The following PALM2AKAP2 variants were observed in gnomAD, a reference collection of about 807,000 sequenced individuals.
PALM2AKAP2 encodes the protein PALM2-AKAP2 fusion protein.
A neutral mutation model predicts 71.5 loss-of-function variants in PALM2AKAP2; 37 were observed. The ratio of observed to expected loss-of-function variants is 0.52; its 90% CI spans 0.40 to 0.68. The LOEUF (loss-of-function observed/expected upper bound fraction) is 0.68, where lower values mean the gene tolerates loss of function less well. Among genes scored for constraint, PALM2AKAP2 ranks in the 30% least tolerant of loss-of-function variants. The pLI is 0.00. For synonymous variants in PALM2AKAP2, 468 were observed against 478.8 expected, an observed-to-expected ratio of 0.98 and a Z score of 0.29; for missense variants, 1,224 against 1,191.8, an observed-to-expected ratio of 1.03 and a Z score of -0.40.
chr9:109,774,055 C>A (rs1010398951), intron 1 of PALM2AKAP2, among the ~76,000 whole-genome samples: 2 of 152,190 alleles, frequency 1.3e-5, no homozygotes, highest in African/African-American at 4.8e-5. Context: ...ACTGCCAACC[C>A]CGCAGGAAAT....
At chr9:109,743,818 C>T (rs897548448) in intron 1 of PALM2AKAP2, among the ~76,000 whole-genome samples, 10 of 152,190 alleles carry the variant, frequency 6.6e-5, no homozygotes, top group Middle Eastern at 3.2e-3. Context: ...CTTTTATTTA[C>T]ATTCCTAACA....
chr9:110,018,343 T>G (rs755449043), intron 7 of PALM2AKAP2, among the ~76,000 whole-genome samples: 1 of 152,160 alleles, frequency 6.6e-6, no homozygotes, highest in Non-Finnish European at 1.5e-5. Flanking sequence ...TCTTTATTCA[T>G]TTTGAGGCAG....
intron 6 of PALM2AKAP2, among the ~76,000 whole-genome samples, chr9:110,001,347 G>A (rs1409339440): frequency 6.6e-6 from 1 of 152,074 alleles, no homozygotes; most frequent in African/African-American, 2.4e-5. Flanking sequence ...TATTTCTGAG[G>A]GCTCTGTTCT....
chr9:110,151,450 A>G (rs1207038733), intron 2 of PALM2AKAP2, among the ~76,000 whole-genome samples: 3 of 152,198 alleles, frequency 2.0e-5, no homozygotes, highest in African/African-American at 7.2e-5. Context: ...GAGCTTCACA[A>G]TCATATTAGC....
At chr9:109,835,610 C>A (rs1414854231) in intron 1 of PALM2AKAP2, among the ~76,000 whole-genome samples, 1 of 152,128 alleles carries the variant, frequency 6.6e-6, no homozygotes, top group Non-Finnish European at 1.5e-5. Context: ...CGCAAGGGGT[C>A]AGGGAATTCC....
intron 1 of PALM2AKAP2, among the ~76,000 whole-genome samples, chr9:109,698,532 G>T (rs1828007008): frequency 6.6e-6 from 1 of 152,116 alleles, no homozygotes; most frequent in Non-Finnish European, 1.5e-5. Context: ...GCCAGCCTCG[G>T]TCTCTCAAAG....
intron 1 of PALM2AKAP2, among the ~76,000 whole-genome samples, chr9:110,096,946 TTATTTATTTATTTATTA>T (rs1363269750): frequency 1.3e-5 from 2 of 148,486 alleles, no homozygotes; most frequent in African/African-American, 5.1e-5. Flanking sequence ...ATTTATTTAT[TTATTTATTTATTTATTA>T]TTTTTTTTAT....
Position 110,127,344 on chromosome 9 carries a change from G to T in PALM2AKAP2, c.157-8783G>T, listed in dbSNP as rs559297553. On this transcript the variant is annotated intron_variant, in intron 1 of 3. Transcript: ENST00000374525. The stretch of plus-strand genomic sequence containing the variant: ...TTTAGCCTGCGTTTGCCCCAGGAGT[G>T]CTTGAGGTCTGGAGTCTGGCCGGCT... Among the ~76,000 whole-genome samples the T allele has an allele frequency of 2.0e-5, 3 of 152,318 alleles. No individual in the cohort carries two copies. The East Asian group carries it at 5.8e-4, about 29-fold the overall frequency.
intron 1 of PALM2AKAP2, among the ~76,000 whole-genome samples, chr9:109,683,882 A>G (rs1054221972): frequency 2.6e-5 from 4 of 152,078 alleles, no homozygotes; most frequent in Non-Finnish European, 5.9e-5. Flanking sequence ...TACATTATAT[A>G]GTGTATATTG....
At chr9:110,085,054 C>T (rs982913938) in intron 1 of PALM2AKAP2, among the ~76,000 whole-genome samples, 1 of 151,994 alleles carries the variant, frequency 6.6e-6, no homozygotes, top group Non-Finnish European at 1.5e-5. Flanking sequence ...TGCAACCATA[C>T]TTTAAAAAAT....
chr9:109,893,361 G>A (rs144023351), intron 3 of PALM2AKAP2, among the ~76,000 whole-genome samples: 252 of 152,340 alleles, frequency 1.7e-3, no homozygotes, highest in African/African-American at 5.9e-3. Flanking sequence ...TATGATAGAT[G>A]GATTTGACAA....
intron 6 of PALM2AKAP2, among the ~76,000 whole-genome samples, chr9:109,932,321 A>C (rs1588017821): frequency 6.6e-6 from 1 of 152,232 alleles, no homozygotes; most frequent in South Asian, 2.1e-4. Context: ...TCTCAAAGTT[A>C]ATCTGTATTC....
chr9:110,041,324 G>A (rs146418077), intron 7 of PALM2AKAP2, among the ~76,000 whole-genome samples: 46 of 151,650 alleles, frequency 3.0e-4, no homozygotes, highest in African/African-American at 1.0e-3. Flanking sequence ...GTATACTGGT[G>A]CCATTTACAT....
intron 1 of PALM2AKAP2, among the ~76,000 whole-genome samples, chr9:109,650,958 G>T (rs1292459463): frequency 1.3e-5 from 2 of 152,162 alleles, no homozygotes; most frequent in East Asian, 3.8e-4. Context: ...GGCAAAAAAA[G>T]AGTTCATGAA....
intron 6 of PALM2AKAP2, among the ~76,000 whole-genome samples, chr9:109,954,898 A>G (rs1831718349): frequency 6.6e-6 from 1 of 152,160 alleles, no homozygotes; most frequent in Admixed American, 6.5e-5. Context: ...TCTGGCAATA[A>G]TAGCCTGTTC....
Position 109,890,436 on chromosome 9 carries a change from T to C in PALM2AKAP2, c.257+9755T>C, listed in dbSNP as rs80070500. On this transcript the variant is annotated intron_variant, in intron 3 of 9. Coordinates refer to the PALM2AKAP2 transcript ENST00000302798. The stretch of plus-strand genomic sequence containing the variant: ...GCCCTCCAGGACAGCGAACGGGTGA[T>C]AAAATATACAAACTGTCTCTGATTA... Among the ~76,000 whole-genome samples, 516 of 152,296 alleles carry C rather than the reference T, an allele frequency of 3.4e-3. 5 individuals are homozygous for C. Among genetic ancestry groups the C allele is most frequent in the African/African-American group, 0.012 (497 of 41,560 alleles).
At chr9:109,707,769 G>A (rs1244651216) in intron 1 of PALM2AKAP2, among the ~76,000 whole-genome samples, 2 of 152,176 alleles carry the variant, frequency 1.3e-5, no homozygotes, top group African/African-American at 4.8e-5. Flanking sequence ...CAGCAAGGAA[G>A]GATAATTTTC....
intron 1 of PALM2AKAP2, among the ~76,000 whole-genome samples, chr9:109,818,646 G>C (rs1216824913): frequency 6.6e-6 from 1 of 152,140 alleles, no homozygotes; most frequent in African/African-American, 2.4e-5. Flanking sequence ...TATTTTTAGA[G>C]ATGGAGTCTC....
chr9:109,771,046 C>A (rs1829253171), intron 1 of PALM2AKAP2, among the ~76,000 whole-genome samples: 1 of 152,178 alleles, frequency 6.6e-6, no homozygotes, highest in Non-Finnish European at 1.5e-5. Context: ...ATGCTTCCTC[C>A]CAACTTAAGT....
Sources: gnomAD v4.1 joint callset for allele counts (sites outside exome capture counted in the v4.1 genomes callset) on GRCh38, gnomAD v4.1.1 for gene constraint, MANE v1.5 for transcripts, NCBI Gene and HGNC (gene_info 2026-07-23, HGNC 2026-07-21) for gene names.